The following PFKM variants were observed in gnomAD, a reference collection of about 807,000 sequenced individuals.
The protein encoded by PFKM is phosphofructokinase, muscle.
Under a neutral mutation model 95.5 loss-of-function variants are expected in PFKM, and 58 were observed. The observed-to-expected ratio is 0.61, with a 90% CI of 0.49 to 0.76. The LOEUF is 0.76. PFKM is among the 30% of genes least tolerant of loss of function. The probability of loss-of-function intolerance (pLI) is 0.00; values close to 1 mark genes in which losing one functional copy is unlikely to be tolerated. For synonymous variants in PFKM, 336 were observed against 357.2 expected, an observed-to-expected ratio of 0.94 and a Z score of 0.67; for missense variants, 678 against 1,005.4, an observed-to-expected ratio of 0.67 and a Z score of 4.40.
chr12:48,136,412 C>T (rs1457580921), intron 10 of PFKM, among the ~76,000 whole-genome samples: 2 of 152,224 alleles, frequency 1.3e-5, no homozygotes, highest in Non-Finnish European at 2.9e-5. Context: ...CGTATTACAG[C>T]TTGTTTAATC....
At chr12:48,116,010 C>G (rs1189082513), upstream of PFKM, among the ~76,000 whole-genome samples, 1 of 152,158 alleles carries the variant, frequency 6.6e-6, no homozygotes. Flanking sequence ...GAGGAACTGC[C>G]AAATTTCCAC....
At position 48,145,581 on chromosome 12, in the gene PFKM, A is replaced by C. The variant is rs1426829838; in HGVS notation, c.2216A>C (p.Glu739Ala). 1.9e-6 allele frequency: 3 copies of C among 1,614,098 alleles called. No homozygotes were observed. The highest frequency in any genetic ancestry group is 1.7e-6 in the Non-Finnish European group (2 of 1,180,016). The change falls in exon 23 of 23, where the codon GAA becomes GCA. Residue 739 changes from glutamate (E) to alanine (A), a missense_variant. By Grantham distance (107) the Glu-to-Ala change is moderately radical. Coordinates refer to ENST00000359794, the MANE Select transcript of PFKM (RefSeq NM_000289.6). The surrounding 1 kb of genome is among the most constrained non-coding windows in gnomAD (Gnocchi z 4.3). Reference protein sequence around the residue: ...QTDFEHRIPKEQWWLKLRPIL... With the variant: ...QTDFEHRIPKAQWWLKLRPIL... ...CTCTGTAGGCATCGAATCCCCAAGG[A>C]ACAGTGGTGGCTGAAACTGAGGCCC...
chr12:48,142,620 A>G (rs1950677390), intron 17 of PFKM, among the ~76,000 whole-genome samples, 162 bp from the exon 18 acceptor site: 4 of 152,112 alleles, frequency 2.6e-5, no homozygotes, highest in Non-Finnish European at 5.9e-5. Context: ...GAGGTTGGCA[A>G]ATATGCCTGT....
intron 4 of PFKM, 113 bp from the exon 5 acceptor site, chr12:48,132,755 G>T: frequency 2.2e-6 from 2 of 914,260 alleles, no homozygotes; most frequent in Non-Finnish European, 3.5e-6. Context: ...AGGATGTCAA[G>T]GAACTTTCTA....
intron 1 of PFKM, among the ~76,000 whole-genome samples, chr12:48,106,687 T>G (rs1946654938): frequency 7.2e-6 from 1 of 138,400 alleles, no homozygotes; most frequent in African/African-American, 2.9e-5. Flanking sequence ...CACCTCATAC[T>G]TGATTGACCA....
intron 19 of PFKM, 98 bp downstream of exon 19, chr12:48,143,912 A>G: frequency 8.9e-7 from 1 of 1,119,968 alleles, no homozygotes; most frequent in Non-Finnish European, 1.4e-6. Flanking sequence ...AGGAATCTGT[A>G]GATATAAAGG....
chr12:48,137,110 A>G (rs1443931490), intron 10 of PFKM, among the ~76,000 whole-genome samples: 2 of 141,000 alleles, frequency 1.4e-5, no homozygotes, highest in Non-Finnish European at 3.1e-5. Context: ...CACCCAGGCT[A>G]GAGTGCAGTG....
upstream of PFKM, chr12:48,118,484 T>G (rs1314409279): frequency 6.9e-7 from 1 of 1,457,228 alleles, no homozygotes; most frequent in African/African-American, 1.4e-5. Flanking sequence ...TGTGCCAGAA[T>G]GTGCAGAGGT....
chr12:48,139,779 C>T (rs961646554), intron 12 of PFKM, 70 bp from the exon 13 acceptor site: 15 of 1,049,904 alleles, frequency 1.4e-5, no homozygotes, highest in Admixed American at 1.0e-4. Context: ...CACTTCAGAC[C>T]AGGATCTCCA....
At chr12:48,118,591 A>G, upstream of PFKM, 1 of 1,316,146 alleles carries the variant, frequency 7.6e-7, no homozygotes, top group South Asian at 1.2e-5. Flanking sequence ...AGACTTGAGT[A>G]ATGGATGCAC....
intron 2 of PFKM, chr12:48,107,594 G>A: frequency 1.5e-6 from 1 of 654,038 alleles, no homozygotes; most frequent in South Asian, 1.8e-5. Context: ...TTCTCACTTT[G>A]ATAAAATATT....
intron 3 of PFKM, among the ~76,000 whole-genome samples, chr12:48,112,386 A>AT (rs2137604939): frequency 6.6e-6 from 1 of 152,312 alleles, no homozygotes; most frequent in South Asian, 2.1e-4. Context: ...GCCAGACACG[A>AT]TCAGCAGAAC....
In PFKM at chr12:48,140,704, C is replaced by T; in HGVS notation, c.1192-18C>T. On this transcript the variant is annotated intron_variant, in intron 13 of 22. Transcript: ENST00000359794. ...GCTGGGTTTCTGTCCTCATTTTTCC[C>T]TGCTTCCTCCTGTATAGAGTGGTTC... The T allele has an allele frequency of 1.2e-6, 2 of 1,614,132 alleles. No individual in the cohort carries two copies. The highest frequency in any genetic ancestry group is 2.2e-5 in the East Asian group (1 of 44,886).
At chr12:48,119,539 G>A in intron 1 of PFKM, 133 bp downstream of exon 1, 1 of 398,978 alleles carries the variant, frequency 2.5e-6, no homozygotes, top group Non-Finnish European at 3.4e-6. Flanking sequence ...TCCTAAGCTG[G>A]AGCCGAGAGG....
chr12:48,119,708 T>A (rs1948021206), intron 1 of PFKM: 1 of 152,300 alleles, frequency 6.6e-6, no homozygotes, highest in Non-Finnish European at 1.5e-5. Flanking sequence ...CCAATTCAAA[T>A]CAGTGCTCCT....
upstream of PFKM, chr12:48,118,478 C>T (rs981253149): frequency 3.8e-5 from 54 of 1,434,198 alleles, no homozygotes; most frequent in Middle Eastern, 3.4e-4. Context: ...ATTGTTTGTG[C>T]CAGAATGTGC....
chr12:48,116,880 A>C (rs1039537036), upstream of PFKM, among the ~76,000 whole-genome samples: 2 of 152,244 alleles, frequency 1.3e-5, no homozygotes, highest in Admixed American at 6.5e-5. Context: ...CATAGTTTAC[A>C]TTAGGGTTTA....
chr12:48,130,578 G>C, intron 3 of PFKM, 142 bp downstream of exon 3: 1 of 763,592 alleles, frequency 1.3e-6, no homozygotes, highest in Non-Finnish European at 2.4e-6. Context: ...GTAGCTTCAT[G>C]AGTCACTCTT....
chr12:48,132,421 CAG>C (rs1355321438), intron 4 of PFKM, among the ~76,000 whole-genome samples: 2 of 152,128 alleles, frequency 1.3e-5, no homozygotes, highest in East Asian at 1.9e-4. Flanking sequence ...AATCTCAGTG[CAG>C]AGAGAGGAAA....
Sources: gnomAD v4.1 joint callset for allele counts (sites outside exome capture counted in the v4.1 genomes callset) on GRCh38, gnomAD v4.1.1 for gene constraint, Gnocchi (gnomAD v3.1) non-coding constraint, MANE v1.5 for transcripts, NCBI Gene and HGNC (gene_info 2026-07-23, HGNC 2026-07-21) for gene names.